SEMA3D: variants seen among roughly 807,000 people sequenced by gnomAD.
SEMA3D encodes the protein semaphorin-3D.
In SEMA3D, 84 loss-of-function variants were observed where a neutral mutation model predicts 100.1. The observed-to-expected ratio is 0.84, with a 90% CI of 0.70 to 1.01. The LOEUF (loss-of-function observed/expected upper bound fraction) is 1.01, where lower values mean the gene tolerates loss of function less well. SEMA3D is among the 50% of genes least tolerant of loss of function. The probability of loss-of-function intolerance (pLI) is 0.00; values close to 1 mark genes in which losing one functional copy is unlikely to be tolerated. For synonymous variants in SEMA3D, 312 were observed against 320.7 expected, an observed-to-expected ratio of 0.97 and a Z score of 0.29; for missense variants, 875 against 934.1, an observed-to-expected ratio of 0.94 and a Z score of 0.82.
intron 1 of SEMA3D, among the ~76,000 whole-genome samples, chr7:85,176,349 G>T (rs143204609): frequency 0.016 from 2,366 of 152,208 alleles, 40 homozygotes; most frequent in Non-Finnish European, 0.022. Flanking sequence ...TATTGTTTCA[G>T]AAAATTCAGT....
intron 1 of SEMA3D, among the ~76,000 whole-genome samples, chr7:85,160,369 T>C (rs989113147): frequency 1.3e-4 from 19 of 151,750 alleles, no homozygotes; most frequent in South Asian, 1.0e-3. Flanking sequence ...AATAAACACA[T>C]GAATAAGATC....
chr7:85,098,002 A>C, intron 3 of SEMA3D, 37 bp from the exon 4 acceptor site: 1 of 1,174,404 alleles, frequency 8.5e-7, no homozygotes, highest in East Asian at 2.7e-5. Context: ...AGGAGAAAGA[A>C]AAAAGAAAGA....
intron 1 of SEMA3D, among the ~76,000 whole-genome samples, chr7:85,158,091 G>A (rs1790648434): frequency 6.6e-6 from 1 of 152,112 alleles, no homozygotes; most frequent in East Asian, 1.9e-4. Flanking sequence ...TGTGATTATT[G>A]CGTTAACTGC....
At chr7:85,123,042 G>A (rs545159571) in intron 2 of SEMA3D, among the ~76,000 whole-genome samples, 1 of 152,072 alleles carries the variant, frequency 6.6e-6, no homozygotes, top group African/African-American at 2.4e-5. Flanking sequence ...AGCCATTAAG[G>A]GTGGGTAATT....
intron 17 of SEMA3D, 25 bp from the exon 18 acceptor site, chr7:85,006,966 G>A: frequency 1.3e-6 from 2 of 1,596,256 alleles, no homozygotes; most frequent in Non-Finnish European, 1.7e-6. Context: ...TGGAATAAGA[G>A]ATTAACCTTG....
chr7:85,127,715 T>G (rs1201609859), intron 2 of SEMA3D, among the ~76,000 whole-genome samples: 1 of 152,154 alleles, frequency 6.6e-6, no homozygotes, highest in Non-Finnish European at 1.5e-5. Flanking sequence ...CAATTTGCTC[T>G]TCAAAGCAGC....
chr7:85,028,205 TG>T, intron 12 of SEMA3D: 1 of 667,308 alleles, frequency 1.5e-6, no homozygotes, highest in Non-Finnish European at 2.7e-6. Flanking sequence ...CTGACAAAGA[TG>T]AAGGAAATTG....
chr7:85,174,527 C>T (rs913618187), intron 1 of SEMA3D, among the ~76,000 whole-genome samples: 1 of 152,094 alleles, frequency 6.6e-6, no homozygotes, highest in African/African-American at 2.4e-5. Context: ...AGAAACTGCA[C>T]TTATTTTGTG....
the SEMA3D span, among the ~76,000 whole-genome samples, chr7:85,242,805 A>C: frequency 6.6e-6 from 1 of 152,118 alleles, no homozygotes; most frequent in Non-Finnish European, 1.5e-5. Context: ...TATCCATGAC[A>C]TTTTTCTTTC....
At chr7:85,046,407 T>C (rs552592733) in intron 9 of SEMA3D, among the ~76,000 whole-genome samples, 3 of 151,884 alleles carry the variant, frequency 2.0e-5, no homozygotes, top group South Asian at 2.1e-4. Flanking sequence ...GACCAAAAAA[T>C]AGAAATTTTT....
chr7:85,050,664 A>G, intron 9 of SEMA3D: 1 of 447,788 alleles, frequency 2.2e-6, no homozygotes. Flanking sequence ...CATTGTTCAA[A>G]TCATTTATGC....
intron 3 of SEMA3D, among the ~76,000 whole-genome samples, chr7:85,099,215 A>G (rs934976932): frequency 1.3e-5 from 2 of 151,958 alleles, no homozygotes; most frequent in African/African-American, 2.4e-5. Flanking sequence ...TGTAGCTTCC[A>G]TGATTCCCAA....
intron 1 of SEMA3D, among the ~76,000 whole-genome samples, chr7:85,183,839 A>G (rs747365504): frequency 1.3e-5 from 2 of 152,250 alleles, no homozygotes; most frequent in Non-Finnish European, 2.9e-5. Flanking sequence ...GTGAACTACA[A>G]AAGTGAACCA....
At chr7:85,116,466 C>T (rs1003942998) in intron 3 of SEMA3D, among the ~76,000 whole-genome samples, 1 of 146,884 alleles carries the variant, frequency 6.8e-6, no homozygotes, top group Non-Finnish European at 1.5e-5. Flanking sequence ...CATATATATA[C>T]ACCTATATAA....
chr7:85,011,955 G>A (rs970334109), intron 17 of SEMA3D, among the ~76,000 whole-genome samples: 1 of 151,646 alleles, frequency 6.6e-6, no homozygotes, highest in Non-Finnish European at 1.5e-5. Context: ...GTGTGCATGT[G>A]TGTGTGTTTG....
At position 85,042,303 on chromosome 7, in the gene SEMA3D, A is replaced by T. The variant is rs762633703; in HGVS notation, c.862-18T>A. 8.6e-6 allele frequency: 13 copies of T among 1,511,534 alleles called. No homozygotes were observed. In the Admixed American group the frequency reaches 2.0e-4, roughly 24 times the overall value. 93.6% of individuals were successfully genotyped at this position (1,511,534 alleles called of 1,614,324 possible). On this transcript the variant is annotated intron_variant, in intron 9 of 18. Transcript: ENST00000284136. ...ACATCATTCTGACATGAAAAAAAAA[A>T]TAAAGATAAATATTTATCAACACAA...
intron 2 of SEMA3D, among the ~76,000 whole-genome samples, chr7:85,138,846 A>G (rs2191486): frequency 0.59 from 88,181 of 149,994 alleles, 27,493 homozygotes; most frequent in African/African-American, 0.81. Context: ...GATGTGTGAT[A>G]TTCCCCCCTG....
chr7:85,250,225 G>T, the SEMA3D span, among the ~76,000 whole-genome samples: 2 of 147,832 alleles, frequency 1.4e-5, no homozygotes, highest in African/African-American at 2.5e-5. Flanking sequence ...CTACGTCCAC[G>T]GAGTCTTGCT....
chr7:85,121,229 A>G (rs2116402125), intron 3 of SEMA3D, among the ~76,000 whole-genome samples: 1 of 152,336 alleles, frequency 6.6e-6, no homozygotes, highest in Non-Finnish European at 1.5e-5. Context: ...CAAACATTTA[A>G]AAACAACTAG....
Sources: allele counts gnomAD v4.1 joint callset (sites outside exome capture counted in the v4.1 genomes callset), GRCh38; gene constraint gnomAD v4.1.1; transcripts MANE v1.5; gene names NCBI Gene and HGNC (gene_info 2026-07-23, HGNC 2026-07-21).